The following LRP1B variants were observed in gnomAD, a reference collection of about 807,000 sequenced individuals.
LRP1B encodes low-density lipoprotein receptor-related protein 1B.
In LRP1B, 217 loss-of-function variants were observed where a neutral mutation model predicts 556.6. The observed-to-expected ratio is 0.39, with a 90% CI of 0.35 to 0.44. The LOEUF (loss-of-function observed/expected upper bound fraction) is 0.44, where lower values mean the gene tolerates loss of function less well. LRP1B is among the 20% of genes least tolerant of loss of function. The probability of loss-of-function intolerance (pLI) is 1.00; values close to 1 mark genes in which losing one functional copy is unlikely to be tolerated. For missense variants in LRP1B, 5,053 were observed against 5,620.8 expected (o/e 0.90, Z 3.23); for synonymous variants, 2,047 against 1,865.8 (o/e 1.10, Z -2.50).
intron 35 of LRP1B, among the ~76,000 whole-genome samples, chr2:140,756,311 T>G (rs1027342569): frequency 1.3e-5 from 2 of 152,040 alleles, no homozygotes; most frequent in Admixed American, 1.3e-4. Context: ...GCTAGTTTAT[T>G]TGCCAAAATT....
chr2:140,514,791 G>GA lies in LRP1B; in HGVS notation c.8150-20dup, dbSNP rs199711847. On this transcript the variant is annotated intron_variant, in intron 50 of 90. Transcript: ENST00000389484. ...GAAGAATCTAGGAAACAAACAAAAG[G>GA]AAAAAAAAAAATAGTTTGAGACCGT... 0.017 allele frequency: 19,591 copies of GA among 1,172,992 alleles called. 39 individuals are homozygous for GA. Among genetic ancestry groups the GA allele is most frequent in the East Asian group, 0.078 (2,569 of 33,102 alleles). The allele number at this position is 1,172,992 out of a possible 1,614,324, so 72.7% of individuals were successfully genotyped here.
intron 3 of LRP1B, among the ~76,000 whole-genome samples, chr2:141,308,667 A>T (rs895595008): frequency 3.3e-5 from 5 of 152,196 alleles, no homozygotes; most frequent in African/African-American, 1.2e-4. Context: ...ATAAAAAAAT[A>T]GATTTGGCAC....
chr2:140,395,519 A>T (rs1191932804), intron 66 of LRP1B, among the ~76,000 whole-genome samples: 2 of 152,226 alleles, frequency 1.3e-5, no homozygotes, highest in Non-Finnish European at 2.9e-5. Flanking sequence ...GAAAGTGGAC[A>T]GGTTATGTGG....
chr2:141,707,952 T>C (rs987250947), intron 2 of LRP1B, among the ~76,000 whole-genome samples: 1 of 152,204 alleles, frequency 6.6e-6, no homozygotes, highest in African/African-American at 2.4e-5. Context: ...CCACAGATTC[T>C]TTTTACATTT....
At chr2:140,565,459 T>G (rs187830004) in intron 43 of LRP1B, among the ~76,000 whole-genome samples, 1 of 152,222 alleles carries the variant, frequency 6.6e-6, no homozygotes, top group Admixed American at 6.5e-5. Flanking sequence ...GGTGCCAATT[T>G]ACCAGATCCC....
At chr2:141,392,934 G>A (rs1045269267) in intron 3 of LRP1B, among the ~76,000 whole-genome samples, 1 of 152,174 alleles carries the variant, frequency 6.6e-6, no homozygotes, top group Non-Finnish European at 1.5e-5. Flanking sequence ...AGTTTCACAA[G>A]AAGCACTGTA....
At chr2:140,834,767 A>C (rs1166805946) in intron 31 of LRP1B, among the ~76,000 whole-genome samples, 1 of 152,158 alleles carries the variant, frequency 6.6e-6, no homozygotes, top group Non-Finnish European at 1.5e-5. Context: ...CATTATACCT[A>C]ATTTGAATAC....
intron 7 of LRP1B, among the ~76,000 whole-genome samples, chr2:141,109,859 G>A (rs1438868006): frequency 6.6e-6 from 1 of 152,106 alleles, no homozygotes; most frequent in Admixed American, 6.5e-5. Context: ...AGTGGCTGAG[G>A]GCCTTCAATC....
intron 7 of LRP1B, among the ~76,000 whole-genome samples, chr2:141,173,224 C>A (rs781229463): frequency 6.6e-6 from 1 of 151,996 alleles, no homozygotes. Context: ...TGATAAAAAA[C>A]CTCAAAATAT....
At chr2:141,520,114 G>A (rs766594663) in intron 2 of LRP1B, among the ~76,000 whole-genome samples, 96 of 152,292 alleles carry the variant, frequency 6.3e-4, no homozygotes, top group South Asian at 8.3e-4. Flanking sequence ...AGAAACTGGT[G>A]CATTTGGAGT....
intron 3 of LRP1B, among the ~76,000 whole-genome samples, chr2:141,300,355 G>A (rs1686343188): frequency 6.6e-6 from 1 of 152,154 alleles, no homozygotes; most frequent in Non-Finnish European, 1.5e-5. Flanking sequence ...GTCAATTGAG[G>A]TTAAGTTTTG....
chr2:140,583,874 T>C (rs1681879247), intron 43 of LRP1B, among the ~76,000 whole-genome samples: 1 of 152,300 alleles, frequency 6.6e-6, no homozygotes, highest in South Asian at 2.1e-4. Flanking sequence ...AACAGTTTTG[T>C]TCTCTTCTAT....
chr2:141,138,232 A>G (rs1181012225), intron 7 of LRP1B, among the ~76,000 whole-genome samples: 1 of 152,002 alleles, frequency 6.6e-6, no homozygotes, highest in Non-Finnish European at 1.5e-5. Flanking sequence ...TACTGACAAA[A>G]ATTCTCAACA....
At chr2:140,758,320 T>G (rs1330642815) in intron 35 of LRP1B, among the ~76,000 whole-genome samples, 1 of 152,058 alleles carries the variant, frequency 6.6e-6, no homozygotes, top group Non-Finnish European at 1.5e-5. Flanking sequence ...ATATCAATAA[T>G]AAAATTTATT....
chr2:141,382,660 T>C (rs1408375634), intron 3 of LRP1B, among the ~76,000 whole-genome samples: 2 of 152,204 alleles, frequency 1.3e-5, no homozygotes, highest in Non-Finnish European at 2.9e-5. Context: ...CCTCTCTTTT[T>C]GCAGTTGGGA....
intron 3 of LRP1B, chr2:141,286,870 C>A: frequency 3.1e-6 from 1 of 320,470 alleles, no homozygotes. Flanking sequence ...TGGAAATATT[C>A]TACATCGGCA....
chr2:141,666,481 G>T (rs1411086567), intron 2 of LRP1B, among the ~76,000 whole-genome samples: 1 of 152,086 alleles, frequency 6.6e-6, no homozygotes, highest in Non-Finnish European at 1.5e-5. Context: ...AGCTTCCTAG[G>T]TACATCCTTT....
chr2:140,501,264 TTA>T (rs1188598734), intron 55 of LRP1B, among the ~76,000 whole-genome samples: 1 of 152,018 alleles, frequency 6.6e-6, no homozygotes, highest in African/African-American at 2.4e-5. Flanking sequence ...TTTATGGATT[TTA>T]TGTTTGTATG....
chr2:140,689,405 T>C (rs1187587695), intron 41 of LRP1B, among the ~76,000 whole-genome samples: 3 of 152,226 alleles, frequency 2.0e-5, no homozygotes, highest in Non-Finnish European at 4.4e-5. Context: ...CTATAAATGT[T>C]CTTCCACCAC....
Sources: allele counts gnomAD v4.1 joint callset (sites outside exome capture counted in the v4.1 genomes callset), GRCh38; gene constraint gnomAD v4.1.1; transcripts MANE v1.5; gene names NCBI Gene and HGNC (gene_info 2026-07-23, HGNC 2026-07-21).